The following ETV1 variants were observed in gnomAD, a reference collection of about 807,000 sequenced individuals.
ETV1 encodes ETS translocation variant 1.
Under a neutral mutation model 62.3 loss-of-function variants are expected in ETV1, and 27 were observed. The observed-to-expected ratio is 0.43, with a 90% CI of 0.32 to 0.60. The LOEUF is 0.60. Ranked by LOEUF, ETV1 falls within the 20% of genes least tolerant of loss-of-function variation. The probability of loss-of-function intolerance (pLI) is 0.06; values close to 1 mark genes in which losing one functional copy is unlikely to be tolerated. For synonymous variants in ETV1, 222 were observed against 199.6 expected (o/e 1.11, Z -0.94); for missense variants, 605 against 605.8 (o/e 1.00, Z 0.01).
At chr7:13,986,434 G>T in intron 5 of ETV1, 2 of 1,489,754 alleles carry the variant, frequency 1.3e-6, no homozygotes, top group African/African-American at 2.9e-5. Context: ...AATTTCTCCT[G>T]GTAATTTGTG....
chr7:13,895,997 TCAG>T lies in ETV1; in HGVS notation c.1300_1302del (p.Leu434del). 1 of 1,613,758 alleles carries T rather than the reference TCAG, an allele frequency of 6.2e-7. No homozygotes were observed. Among genetic ancestry groups the T allele is most frequent in the South Asian group, 1.1e-5 (1 of 91,002 alleles). The stretch of plus-strand genomic sequence containing the variant: ...TTGATGTGACGTTCCATGTCTGTCT[TCAG>T]CAGTGGACGCTGATTATCTGGAAAG... On this transcript the variant is annotated inframe_deletion, in exon 14 of 14. Transcript: ENST00000430479.
chr7:13,904,332 A>T (rs1782739757), intron 12 of ETV1, among the ~76,000 whole-genome samples: 1 of 152,196 alleles, frequency 6.6e-6, no homozygotes, highest in South Asian at 2.1e-4. Context: ...TTTTAACTTT[A>T]TGAGGCTGCT....
At chr7:13,909,475 A>G (rs1317634469) in intron 11 of ETV1, among the ~76,000 whole-genome samples, 157 bp downstream of exon 11, 1 of 152,198 alleles carries the variant, frequency 6.6e-6, no homozygotes, top group African/African-American at 2.4e-5. Context: ...CAAGGAAGAG[A>G]TAAATTGTAA....
At position 13,908,825 on chromosome 7, in the gene ETV1, A is replaced by G. The variant is rs60526006; in HGVS notation, c.940+807T>C. ...CCAAGTCATTATAGCCATGACCCCC[A>G]AAGTTTGTGCAATCAGTGAATCACA... On this transcript the variant is annotated intron_variant, in intron 11 of 13. Transcript: ENST00000430479. 9.9e-4 allele frequency among the ~76,000 whole-genome samples: 151 copies of G among 152,220 alleles called. 1 individual carries two copies. The highest frequency in any genetic ancestry group is 3.3e-3 in the African/African-American group (139 of 41,540).
Position 13,939,181 on chromosome 7 carries a change from A to G in ETV1, c.301T>C (p.Ser101Pro). The G allele has an allele frequency of 6.2e-7, 1 of 1,613,368 alleles. No individual in the cohort carries two copies. The change falls in exon 7 of 14, where the codon TCT becomes CCT. Residue 101 changes from serine to proline, a missense_variant. This residue lies in a region of ETV1 where 426 missense variants were observed against 377.8 expected (regional missense o/e 1.13). Coordinates refer to ENST00000430479, the MANE Select transcript of ETV1 (RefSeq NM_004956.5). ...EPHSPCSEIS[S>P]ACSQEQPFKF... ...AAGGGCTGTTCTTGACTGCAGGCAG[A>G]GCTGATTTCTGAACATGGACTGTGG...
chr7:13,939,311 T>C, intron 6 of ETV1, 65 bp from the exon 7 acceptor site: 1 of 1,381,726 alleles, frequency 7.2e-7, no homozygotes, highest in Non-Finnish European at 9.8e-7. Flanking sequence ...GATTAATGTG[T>C]TCTACTTCTC....
intron 9 of ETV1, 111 bp from the exon 10 acceptor site, chr7:13,911,418 TG>T: frequency 2.9e-6 from 2 of 692,686 alleles, no homozygotes; most frequent in Non-Finnish European, 2.6e-6. Flanking sequence ...GGTTCCAATG[TG>T]GGGAACATGT....
chr7:13,977,393 G>C (rs1320226335), intron 6 of ETV1, 34 bp downstream of exon 6: 1 of 1,407,914 alleles, frequency 7.1e-7, no homozygotes. Context: ...CAGAAAGACA[G>C]AAAAATACAA....
chr7:13,954,282 C>T (rs1312270904), intron 6 of ETV1, among the ~76,000 whole-genome samples: 1 of 152,156 alleles, frequency 6.6e-6, no homozygotes, highest in Non-Finnish European at 1.5e-5. Flanking sequence ...CTGTGGGCTT[C>T]AGAACCAGAG....
In ETV1 at chr7:13,931,584, G is replaced by C; in HGVS notation, c.720C>G (p.Thr240=). Residue 240 remains threonine (T), a synonymous_variant, in exon 9 of 14, where the codon ACC becomes ACG. Coordinates refer to ENST00000430479, the MANE Select transcript of ETV1 (RefSeq NM_004956.5). ...TTTGGCTGGCCGCACTGCCAACCATGGTGTTGTGTTCATACACTGGGTCGT... is the reference window on the plus strand; with the variant it reads ...TTTGGCTGGCCGCACTGCCAACCATCGTGTTGTGTTCATACACTGGGTCGT... ...EYHDPVYEHN[T]MVGSAASQSF... The C allele has an allele frequency of 6.2e-7, 1 of 1,614,024 alleles. No homozygotes were observed. Among genetic ancestry groups the C allele is most frequent in the East Asian group, 2.2e-5 (1 of 44,878 alleles).
rs571974062 is a variant in ETV1 at position 13,893,226 on chromosome 7, T to A, written c.*2640A>T. 8.6e-6 allele frequency: 2 copies of A among 232,460 alleles called. No homozygotes were observed. The highest frequency in any genetic ancestry group is 6.1e-5 in the East Asian group (1 of 16,390). 14.4% of individuals were successfully genotyped at this position (232,460 alleles called of 1,614,324 possible). ...TTACATCATTAACAAATGATTTCTA[T>A]GTTTGAGTAGCCAATTCAATGAGAA... On this transcript the variant is annotated 3_prime_UTR_variant, in exon 14 of 14. Coordinates refer to ENST00000430479, the MANE Select transcript of ETV1 (RefSeq NM_004956.5).
chr7:13,931,834 G>T (rs959983911), intron 8 of ETV1, 85 bp from the exon 9 acceptor site: 1 of 1,499,176 alleles, frequency 6.7e-7, no homozygotes, highest in African/African-American at 1.4e-5. Context: ...ATTTCTTAGT[G>T]AACGAACATG....
At position 13,954,640 on chromosome 7, in the gene ETV1, C is replaced by T. The variant is rs115344253; in HGVS notation, c.236-15394G>A. On this transcript the variant is annotated intron_variant, in intron 6 of 13. Transcript: ENST00000430479. Reference sequence around the variant, plus strand: ...TCATTTCACATACTTTTCTTCCAGTCTGTATGTAAAAAGGATCTGTAGTTT... The same window carrying T: ...TCATTTCACATACTTTTCTTCCAGTTTGTATGTAAAAAGGATCTGTAGTTT... Among the ~76,000 whole-genome samples the T allele has an allele frequency of 3.4e-3, 517 of 152,242 alleles. 6 individuals carry two copies. Among genetic ancestry groups the T allele is most frequent in the South Asian group, 0.033 (159 of 4,824 alleles).
intron 8 of ETV1, 129 bp downstream of exon 8, chr7:13,935,579 A>G: frequency 1.4e-6 from 1 of 691,418 alleles, no homozygotes; most frequent in Non-Finnish European, 2.5e-6. Context: ...CTTTCTAAAA[A>G]TATTTTGCAC....
intron 12 of ETV1, among the ~76,000 whole-genome samples, chr7:13,902,515 C>T (rs183998592): frequency 7.4e-5 from 10 of 135,092 alleles, no homozygotes; most frequent in African/African-American, 2.4e-4. Context: ...TGAATTGAAG[C>T]GGGGGTGGGG....
intron 6 of ETV1, among the ~76,000 whole-genome samples, chr7:13,956,707 ATT>A (rs1438401803): frequency 2.0e-5 from 3 of 152,228 alleles, no homozygotes; most frequent in Non-Finnish European, 4.4e-5. Context: ...TGGGCAGAGC[ATT>A]TTGTAGAAAC....
intron 6 of ETV1, among the ~76,000 whole-genome samples, chr7:13,944,762 A>C (rs1787955032): frequency 6.6e-6 from 1 of 152,148 alleles, no homozygotes; most frequent in Non-Finnish European, 1.5e-5. Flanking sequence ...TACATGTTGA[A>C]ATTTCAACAC....
intron 6 of ETV1, among the ~76,000 whole-genome samples, chr7:13,946,631 A>C (rs894835367): frequency 3.9e-5 from 6 of 152,230 alleles, no homozygotes; most frequent in Non-Finnish European, 8.8e-5. Context: ...TTATTCTACC[A>C]GAGGATAGAA....
At chr7:13,937,912 G>A (rs1238707127) in intron 7 of ETV1, among the ~76,000 whole-genome samples, 1 of 152,104 alleles carries the variant, frequency 6.6e-6, no homozygotes, top group Non-Finnish European at 1.5e-5. Context: ...AAATATCTGA[G>A]CATTGGTCAG....
Sources: gnomAD v4.1 joint callset for allele counts (sites outside exome capture counted in the v4.1 genomes callset) on GRCh38, gnomAD v4.1.1 for gene constraint, gnomAD v4.1.1 regional missense constraint, MANE v1.5 for transcripts, NCBI Gene and HGNC (gene_info 2026-07-23, HGNC 2026-07-21) for gene names.